Variants in SRBD1 observed in about 807,000 individuals in gnomAD.
The protein encoded by SRBD1 is S1 RNA binding domain 1.
SRBD1 carries 88 observed loss-of-function variants against 115.3 expected under a neutral mutation model. That is an observed-to-expected ratio of 0.76 (90% CI 0.64 to 0.91). The LOEUF (loss-of-function observed/expected upper bound fraction) is 0.91. SRBD1 is among the 40% of genes least tolerant of loss of function. SRBD1 has a pLI of 0.00. For synonymous variants in SRBD1, 509 were observed against 407.7 expected (o/e 1.25, Z -2.99); for missense variants, 1,385 against 1,177.4 (o/e 1.18, Z -2.58).
rs58100763 is a variant in SRBD1 at position 45,571,517 on chromosome 2, C to CAAAAAAAAAAAAAAAAAAAAAAAAA, written c.1305+1665_1305+1689dup. 1.3e-3 allele frequency among the ~76,000 whole-genome samples: 52 copies of CAAAAAAAAAAAAAAAAAAAAAAAAA among 39,404 alleles called. 5 individuals carry two copies. The highest frequency in any genetic ancestry group is 1.7e-3 in the African/African-American group (19 of 11,164). The allele number at this position is 39,404 out of a possible 152,430, so 25.9% of individuals were successfully genotyped here. ...AAAATACAACATATCCAGACTTTAC[C>CAAAAAAAAAAAAAAAAAAAAAAAAA]AAAAAAAAAAAAAAAAAAAAAAAAA... On this transcript the variant is annotated intron_variant, in intron 9 of 20. Transcript: ENST00000263736.
intron 15 of SRBD1, among the ~76,000 whole-genome samples, chr2:45,486,111 A>T (rs1352663023): frequency 2.6e-5 from 4 of 152,210 alleles, no homozygotes; most frequent in African/African-American, 9.6e-5. Flanking sequence ...TTCTATTTTC[A>T]TAGAATCTTG....
At chr2:45,549,138 G>A (rs1351011703) in intron 12 of SRBD1, 1 of 152,084 alleles carries the variant, frequency 6.6e-6, no homozygotes, top group South Asian at 2.1e-4. Context: ...TACCTTTAAA[G>A]ACAAAAATTC....
At chr2:45,468,699 A>G (rs944215215) in intron 16 of SRBD1, among the ~76,000 whole-genome samples, 2 of 152,126 alleles carry the variant, frequency 1.3e-5, no homozygotes, top group Admixed American at 1.3e-4. Context: ...CAATGAATTT[A>G]TTGTGCATGT....
intron 2 of SRBD1, 43 bp downstream of exon 2, chr2:45,605,319 T>C: frequency 1.9e-6 from 3 of 1,569,468 alleles, no homozygotes; most frequent in Non-Finnish European, 2.6e-6. Flanking sequence ...CTTATTAAAA[T>C]ATTCATCATT....
At chr2:45,511,873 T>C (rs964934859) in intron 14 of SRBD1, among the ~76,000 whole-genome samples, 7 of 152,172 alleles carry the variant, frequency 4.6e-5, no homozygotes, top group Non-Finnish European at 7.4e-5. Context: ...ACTGCTAGAA[T>C]CCAGTTATGT....
In SRBD1 at chr2:45,551,178, C is replaced by G; in HGVS notation, c.1622G>C (p.Gly541Ala). Residue 541 changes from glycine (G) to alanine (A), a missense_variant, in exon 12 of 21, where the codon GGA becomes GCA. Gly to Ala is a moderately conservative substitution (Grantham distance 60, BLOSUM62 0). Coordinates refer to ENST00000263736, the MANE Select transcript of SRBD1 (RefSeq NM_018079.5). ...TSPVPGRTLM[G>A]VDPGYKHGCK... ...ACCATGTTTATAACCAGGATCCACT[C>G]CCATTAAGGTGCGCCCTGGAACAGG... The G allele has an allele frequency of 6.2e-7, 1 of 1,611,808 alleles. No homozygotes were observed. Among genetic ancestry groups the G allele is most frequent in the South Asian group, 1.1e-5 (1 of 90,324 alleles).
chr2:45,396,009 G>A (rs901342104), intron 19 of SRBD1, among the ~76,000 whole-genome samples: 2 of 152,166 alleles, frequency 1.3e-5, no homozygotes, highest in Non-Finnish European at 2.9e-5. Flanking sequence ...ACTGCTTTAT[G>A]AAGCTTGGCA....
At chr2:45,603,410 C>A (rs1256597064) in intron 2 of SRBD1, among the ~76,000 whole-genome samples, 1 of 152,192 alleles carries the variant, frequency 6.6e-6, no homozygotes, top group Non-Finnish European at 1.5e-5. Flanking sequence ...TCTTTAGCCC[C>A]TTTGACTCCT....
intron 5 of SRBD1, among the ~76,000 whole-genome samples, chr2:45,582,803 A>G (rs1451232186): frequency 6.6e-6 from 1 of 152,170 alleles, no homozygotes; most frequent in Admixed American, 6.6e-5. Context: ...GAAGAATGAT[A>G]CTTAAAAACC....
chr2:45,586,477 A>T (rs746550536), intron 4 of SRBD1, among the ~76,000 whole-genome samples: 6 of 152,130 alleles, frequency 3.9e-5, no homozygotes, highest in Admixed American at 6.6e-5. Context: ...GAGTTGGAAG[A>T]CCCTTCTATA....
chr2:45,518,241 T>C (rs1671178745), intron 14 of SRBD1, among the ~76,000 whole-genome samples: 1 of 152,104 alleles, frequency 6.6e-6, no homozygotes. Flanking sequence ...CCCAAGAGCA[T>C]AAAACTAGCA....
intron 2 of SRBD1, 66 bp downstream of exon 2, chr2:45,605,296 G>A (rs190371007): frequency 4.1e-6 from 6 of 1,462,390 alleles, no homozygotes; most frequent in Admixed American, 3.8e-5. Flanking sequence ...GAAAGTGACA[G>A]AATGCATTAC....
intron 14 of SRBD1, among the ~76,000 whole-genome samples, chr2:45,518,778 T>C (rs1394166034): frequency 6.6e-6 from 1 of 152,132 alleles, no homozygotes; most frequent in African/African-American, 2.4e-5. Flanking sequence ...CAAATAAATC[T>C]CTTCAAACAC....
At chr2:45,572,283 ACTCT>A (rs746657126) in intron 9 of SRBD1, among the ~76,000 whole-genome samples, 1 of 151,900 alleles carries the variant, frequency 6.6e-6, no homozygotes, top group African/African-American at 2.4e-5. Flanking sequence ...TATTTTAAAA[ACTCT>A]CTATAAAAAA....
In SRBD1 at chr2:45,599,632, T is replaced by C; in HGVS notation, c.465A>G (p.Pro155=). The change falls in exon 4 of 21, where the codon CCA becomes CCG. Residue 155 remains proline (P), a synonymous_variant. Transcript: ENST00000263736. ...TACCTCCCCACACAGTGCTTGTGGATGGTGTCTCTGAACTATTACTCTCAC... is the reference window on the plus strand; with the variant it reads ...TACCTCCCCACACAGTGCTTGTGGACGGTGTCTCTGAACTATTACTCTCAC... ...LEGESNSSET[P]STSTVWGGTC... is the part of the protein sequence containing the mutation. The C allele has an allele frequency of 6.2e-7, 1 of 1,614,222 alleles. No individual in the cohort carries two copies. Among genetic ancestry groups the C allele is most frequent in the Non-Finnish European group, 8.5e-7 (1 of 1,180,018 alleles).
chr2:45,594,247 T>C (rs1411601990), intron 4 of SRBD1, among the ~76,000 whole-genome samples: 1 of 152,182 alleles, frequency 6.6e-6, no homozygotes, highest in Non-Finnish European at 1.5e-5. Flanking sequence ...TTCACGCACA[T>C]AATTCCACAC....
chr2:45,442,739 A>G (rs980125106), intron 16 of SRBD1, among the ~76,000 whole-genome samples: 2 of 152,200 alleles, frequency 1.3e-5, no homozygotes, highest in African/African-American at 2.4e-5. Context: ...GTTTATTTTA[A>G]GTAAGTTTGG....
intron 18 of SRBD1, among the ~76,000 whole-genome samples, chr2:45,417,402 C>CTAACCA (rs1667865101): frequency 6.6e-6 from 1 of 152,134 alleles, no homozygotes; most frequent in African/African-American, 2.4e-5. Context: ...AAACTAAATT[C>CTAACCA]TAACCATGTT....
chr2:45,473,383 T>C (rs1420265944), intron 16 of SRBD1, among the ~76,000 whole-genome samples: 1 of 152,188 alleles, frequency 6.6e-6, no homozygotes, highest in African/African-American at 2.4e-5. Context: ...ATTATAGATT[T>C]TAAAAACTAT....
Sources: allele counts gnomAD v4.1 joint callset (sites outside exome capture counted in the v4.1 genomes callset), GRCh38; gene constraint gnomAD v4.1.1; transcripts MANE v1.5; gene names NCBI Gene and HGNC (gene_info 2026-07-23, HGNC 2026-07-21).